Variants in ZMYM2 observed in about 807,000 individuals in gnomAD.
ZMYM2 encodes the protein zinc finger MYM-type protein 2.
In ZMYM2, 56 loss-of-function variants were observed where a neutral mutation model predicts 162.8. That is an observed-to-expected ratio of 0.34 (90% CI 0.28 to 0.43). ZMYM2 has a LOEUF of 0.43. Among genes scored for constraint, ZMYM2 ranks in the 20% least tolerant of loss-of-function variants. ZMYM2 has a pLI of 1.00. For synonymous variants in ZMYM2, 510 were observed against 541.6 expected, an observed-to-expected ratio of 0.94 and a Z score of 0.81; for missense variants, 1,275 against 1,621.8, an observed-to-expected ratio of 0.79 and a Z score of 3.67.
chr13:19,891,791 A>T, the ZMYM2 span, among the ~76,000 whole-genome samples: 1 of 151,768 alleles, frequency 6.6e-6, no homozygotes, highest in South Asian at 2.1e-4. Context: ...AAAAATAAAT[A>T]AATCAATAAT....
rs1414471518 is a variant in ZMYM2, at chr13:20,002,863, C to T, written c.861C>T (p.Ser287=). ...ATHHNPDSWI[S]QSASFPRNQK... Reference sequence around the variant, plus strand: ...TTTGTTTTTAAGATTCTTGGATCTCCCAGTCAGCTTCATTTCCCCGTAATC... The same window carrying T: ...TTTGTTTTTAAGATTCTTGGATCTCTCAGTCAGCTTCATTTCCCCGTAATC... The change falls in exon 4 of 25, where the codon TCC becomes TCT. Residue 287 remains serine, a synonymous_variant. Coordinates refer to ENST00000610343, the MANE Select transcript of ZMYM2 (RefSeq NM_197968.4). 6.2e-7 allele frequency: 1 copy of T among 1,612,954 alleles called. No individual in the cohort carries two copies. The highest frequency in any genetic ancestry group is 1.7e-5 in the Admixed American group (1 of 59,960).
chr13:19,991,048 C>CTGTGTGTGTGTGTGTGTGTGTGTGTGTG, intron 2 of ZMYM2, among the ~76,000 whole-genome samples: 1 of 141,280 alleles, frequency 7.1e-6, no homozygotes, highest in Admixed American at 7.0e-5. Context: ...AATTTTCTCT[C>CTGTGTGTGTGTGTGTGTGTGTGTGTGTG]TGTGTGTGTG....
chr13:20,040,154 T>G (rs1954113717), intron 12 of ZMYM2, among the ~76,000 whole-genome samples: 1 of 152,188 alleles, frequency 6.6e-6, no homozygotes, highest in Admixed American at 6.5e-5. Context: ...ATAGTTTCAG[T>G]AGGAATGATA....
chr13:19,999,772 C>G (rs1017436525), intron 3 of ZMYM2, among the ~76,000 whole-genome samples: 3 of 152,166 alleles, frequency 2.0e-5, no homozygotes, highest in African/African-American at 7.2e-5. Context: ...AAAACTGCTA[C>G]TCCAGTGAAC....
the ZMYM2 span, among the ~76,000 whole-genome samples, chr13:19,927,768 A>G: frequency 6.6e-6 from 1 of 152,222 alleles, no homozygotes; most frequent in Admixed American, 6.5e-5. Flanking sequence ...AGCCATGTAT[A>G]GATAGTCTCT....
chr13:19,869,117 C>T, the ZMYM2 span, among the ~76,000 whole-genome samples: 2 of 152,272 alleles, frequency 1.3e-5, no homozygotes, highest in East Asian at 3.9e-4. Flanking sequence ...ATACAAATAC[C>T]ACCCACAATA....
the ZMYM2 span, among the ~76,000 whole-genome samples, chr13:19,916,530 C>A: frequency 1.3e-5 from 2 of 152,066 alleles, no homozygotes; most frequent in African/African-American, 4.8e-5. Flanking sequence ...TACTATGCAA[C>A]CATAGAAAAG....
At chr13:19,913,499 C>T in the ZMYM2 span, among the ~76,000 whole-genome samples, 20 of 152,082 alleles carry the variant, frequency 1.3e-4, no homozygotes, top group Admixed American at 3.9e-4. Context: ...CCAAGGTGGG[C>T]GGATCACTTG....
chr13:19,869,647 G>A, the ZMYM2 span, among the ~76,000 whole-genome samples: 1 of 151,952 alleles, frequency 6.6e-6, no homozygotes, highest in African/African-American at 2.4e-5. Flanking sequence ...AAATTACCTG[G>A]GCTTGGTGGT....
the ZMYM2 span, among the ~76,000 whole-genome samples, chr13:19,928,027 A>G: frequency 4.4e-4 from 67 of 151,928 alleles, no homozygotes; most frequent in African/African-American, 1.6e-3. Context: ...TGTTTTAGAG[A>G]CAAGGTCTTG....
At chr13:19,977,477 T>TA (rs957105495) in intron 2 of ZMYM2, among the ~76,000 whole-genome samples, 5 of 151,732 alleles carry the variant, frequency 3.3e-5, no homozygotes, top group African/African-American at 1.2e-4. Flanking sequence ...GCATGTCTTA[T>TA]GTTTTTTCCT....
At chr13:19,876,999 C>T in the ZMYM2 span, among the ~76,000 whole-genome samples, 5 of 152,018 alleles carry the variant, frequency 3.3e-5, no homozygotes, top group African/African-American at 9.6e-5. Context: ...CCGAGGCGGG[C>T]GGATCACGAG....
intron 21 of ZMYM2, among the ~76,000 whole-genome samples, chr13:20,079,527 G>C (rs1005121109): frequency 6.6e-6 from 1 of 151,978 alleles, no homozygotes; most frequent in Non-Finnish European, 1.5e-5. Flanking sequence ...TTGGTTGCAA[G>C]GGCTTTGGTG....
chr13:19,877,895 T>C, the ZMYM2 span, among the ~76,000 whole-genome samples: 1 of 152,192 alleles, frequency 6.6e-6, no homozygotes, highest in Non-Finnish European at 1.5e-5. Flanking sequence ...TTCATTTTTT[T>C]GACTATATAC....
intron 2 of ZMYM2, among the ~76,000 whole-genome samples, chr13:19,971,495 C>T (rs1956334597): frequency 6.6e-6 from 1 of 151,546 alleles, no homozygotes; most frequent in Non-Finnish European, 1.5e-5. Flanking sequence ...GTCTCGAACT[C>T]CTGATCTCAG....
At chr13:19,873,403 T>TATTTATTG in the ZMYM2 span, among the ~76,000 whole-genome samples, 2 of 150,088 alleles carry the variant, frequency 1.3e-5, no homozygotes, top group South Asian at 4.2e-4. Context: ...TTTATTTATT[T>TATTTATTG]ATTTATTTAT....
Position 20,060,971 on chromosome 13 carries a change from T to C in ZMYM2, c.2740-82T>C. ...ATCCAGTGTGATATTACAAAGTAGA[T>C]CATGTGTCAGAGTAATTTTTAATTT... On this transcript the variant is annotated intron_variant, in intron 16 of 24. Coordinates refer to ENST00000610343, the MANE Select transcript of ZMYM2 (RefSeq NM_197968.4). The C allele has an allele frequency of 3.8e-6, 5 of 1,324,496 alleles. No homozygotes were observed. In the South Asian group the frequency reaches 4.3e-5, roughly 11 times the overall value. 82.0% of individuals were successfully genotyped at this position (1,324,496 alleles called of 1,614,324 possible).
chr13:20,067,036 T>C lies in ZMYM2; in HGVS notation c.3301+17T>C. The C allele has an allele frequency of 6.3e-7, 1 of 1,584,126 alleles. No individual in the cohort carries two copies. ...TAAAATCTTGTAAGTGTTTTAATTT[T>C]GTTTCTCCTAAGTCCTATTTAAAAT... On this transcript the variant is annotated intron_variant, in intron 20 of 24. Coordinates refer to ENST00000610343, the MANE Select transcript of ZMYM2 (RefSeq NM_197968.4).
intron 21 of ZMYM2, among the ~76,000 whole-genome samples, chr13:20,076,824 G>T (rs574586674): frequency 6.0e-5 from 9 of 150,214 alleles, no homozygotes; most frequent in Non-Finnish European, 8.8e-5. Context: ...AGGAATTTAA[G>T]ATTTATTTTT....
Sources: gnomAD v4.1 joint callset for allele counts (sites outside exome capture counted in the v4.1 genomes callset) on GRCh38, gnomAD v4.1.1 for gene constraint, MANE v1.5 for transcripts, NCBI Gene and HGNC (gene_info 2026-07-23, HGNC 2026-07-21) for gene names.